Variants in SRP72 observed in about 807,000 individuals in gnomAD.
SRP72 encodes signal recognition particle 72, also known as signal recognition particle subunit SRP72.
A neutral mutation model predicts 96.3 loss-of-function variants in SRP72; 49 were observed. The ratio of observed to expected loss-of-function variants is 0.51; its 90% CI spans 0.40 to 0.65. The LOEUF is 0.65. SRP72 is among the 30% of genes least tolerant of loss of function. SRP72 has a pLI of 0.00. For missense variants in SRP72, 736 were observed against 793.3 expected, an observed-to-expected ratio of 0.93 and a Z score of 0.87; for synonymous variants, 267 against 275.2, an observed-to-expected ratio of 0.97 and a Z score of 0.30.
At chr4:56,476,557 A>T in intron 5 of SRP72, 114 bp from the exon 6 acceptor site, 1 of 1,082,442 alleles carries the variant, frequency 9.2e-7, no homozygotes, top group Non-Finnish European at 1.4e-6. Flanking sequence ...ACTGCTTGTT[A>T]CTACGATTAT....
intron 3 of SRP72, among the ~76,000 whole-genome samples, chr4:56,473,781 A>G (rs1720086449): frequency 6.6e-6 from 1 of 152,182 alleles, no homozygotes; most frequent in South Asian, 2.1e-4. Context: ...AAAAAGAAAA[A>G]GAAAAGAAAG....
In SRP72 at chr4:56,478,363, C is replaced by T. The variant is rs186012899; in HGVS notation, c.643-16C>T. 1.3e-6 allele frequency: 2 copies of T among 1,549,176 alleles called. No homozygotes were observed. Among genetic ancestry groups the T allele is most frequent in the East Asian group, 2.3e-5 (1 of 43,926 alleles). ...GTTTGGAAAATTTATATGGGAAAAA[C>T]ATTTCTTTCTCTTAGGATGGGACTG... On this transcript the variant is annotated splice_polypyrimidine_tract_variant and intron_variant, in intron 6 of 18. Coordinates refer to ENST00000642900, the MANE Select transcript of SRP72 (RefSeq NM_006947.4).
chr4:56,473,923 CAT>C (rs748539553), intron 3 of SRP72, 129 bp from the exon 4 acceptor site: 1 of 826,798 alleles, frequency 1.2e-6, no homozygotes, highest in Non-Finnish European at 1.8e-6. Context: ...AATTATAAAA[CAT>C]AAACAGTTGA....
chr4:56,483,503 A>C lies in SRP72; in HGVS notation c.957+233A>C, dbSNP rs576207313. On this transcript the variant is annotated intron_variant, in intron 9 of 18. Coordinates refer to ENST00000642900, the MANE Select transcript of SRP72 (RefSeq NM_006947.4). ...TGAAGTGGGCGGAATGCCTGAGTTC[A>C]AGAGTTCGAGACCAGCCTGAGCAAC... is the stretch of plus-strand genomic sequence containing the variant. 2.0e-5 allele frequency among the ~76,000 whole-genome samples: 3 copies of C among 152,218 alleles called. No homozygotes were observed. In the East Asian group the frequency reaches 5.8e-4, roughly 29 times the overall value.
intron 6 of SRP72, among the ~76,000 whole-genome samples, chr4:56,477,632 C>T (rs1303803470): frequency 2.0e-5 from 3 of 152,100 alleles, no homozygotes; most frequent in Non-Finnish European, 2.9e-5. Context: ...TTTATCATTT[C>T]CTCATCAAAC....
chr4:56,482,696 G>A (rs746345242), intron 8 of SRP72, among the ~76,000 whole-genome samples: 15 of 152,188 alleles, frequency 9.9e-5, no homozygotes, highest in Admixed American at 4.6e-4. Flanking sequence ...GGCATAGCTT[G>A]TAGAAATTGC....
At chr4:56,470,876 G>C (rs1719947173) in intron 2 of SRP72, among the ~76,000 whole-genome samples, 1 of 145,336 alleles carries the variant, frequency 6.9e-6, no homozygotes, top group Non-Finnish European at 1.5e-5. Context: ...CGCCCAGGCT[G>C]GTGGAACCTC....
Position 56,483,393 on chromosome 4 carries a change from T to G in SRP72, c.957+123T>G, listed in dbSNP as rs140671379. ...GTATTTTGTCTTCAACTCATAAATA[T>G]ATTTTTTTGCCTTCCTCAAAATATT... is the stretch of plus-strand genomic sequence containing the variant. On this transcript the variant is annotated intron_variant, in intron 9 of 18. Coordinates refer to ENST00000642900, the MANE Select transcript of SRP72 (RefSeq NM_006947.4). 1,466 of 985,752 alleles carry G rather than the reference T, an allele frequency of 1.5e-3. 21 individuals carry two copies. The African/African-American group carries it at 0.023, about 15-fold the overall frequency. The allele number at this position is 985,752 out of a possible 1,614,324, so 61.1% of individuals were successfully genotyped here.
intron 3 of SRP72, among the ~76,000 whole-genome samples, chr4:56,472,410 A>G (rs982441832): frequency 7.0e-6 from 1 of 142,028 alleles, no homozygotes; most frequent in African/African-American, 2.7e-5. Flanking sequence ...CAGTGGCACT[A>G]TCTCGGCTCA....
chr4:56,485,000 A>C (rs1375749119), intron 10 of SRP72, 136 bp downstream of exon 10: 1 of 1,085,816 alleles, frequency 9.2e-7, no homozygotes, highest in Non-Finnish European at 1.2e-6. Flanking sequence ...TTTCATTGTC[A>C]TTTTAGTTAA....
At position 56,484,810 on chromosome 4, in the gene SRP72, A is replaced by G. The variant is rs1455448459; in HGVS notation, c.1032A>G (p.Gln344=). The G allele has an allele frequency of 3.7e-6, 6 of 1,614,022 alleles. No individual in the cohort carries two copies. Among genetic ancestry groups the G allele is most frequent in the Non-Finnish European group, 8.5e-7 (1 of 1,180,040 alleles). Residue 344 remains glutamine, a synonymous_variant, in exon 10 of 19, where the codon CAA becomes CAG. Transcript: ENST00000642900. Reference sequence around the variant, plus strand: ...AGCATCTCTTACCTGTGTTAATCCAAGCTGCCCAGCTCTGCCGTGAAAAGC... The same window carrying G: ...AGCATCTCTTACCTGTGTTAATCCAGGCTGCCCAGCTCTGCCGTGAAAAGC... The part of the protein sequence containing the change: ...SPEHLLPVLI[Q]AAQLCREKQH...
rs766552305 is a variant in SRP72 at position 56,469,771 on chromosome 4, CAAGT to C, written c.230+3_230+6del. On this transcript the variant is annotated splice_donor_variant and coding_sequence_variant, in exon 2 of 19. Transcript: ENST00000642900. LOFTEE classifies it high-confidence loss of function. Reference sequence around the variant, plus strand: ...TCAATACTCACACCAAAGTGTTAGCCAAGTAAGTGATTCAGTTAGTTGCTTGTAC... The same window carrying C: ...TCAATACTCACACCAAAGTGTTAGCCAAGTGATTCAGTTAGTTGCTTGTAC... 6.2e-7 allele frequency: 1 copy of C among 1,605,014 alleles called. No homozygotes were observed. Among genetic ancestry groups the C allele is most frequent in the African/African-American group, 1.3e-5 (1 of 74,948 alleles).
chr4:56,488,007 A>G lies in SRP72; in HGVS notation c.1218A>G (p.Pro406=), dbSNP rs1720780155. The change falls in exon 12 of 19, where the codon CCA becomes CCG. Residue 406 remains proline, a synonymous_variant. Transcript: ENST00000642900. ...GCATAGAGGAGTTAAAGCATAAACC[A>G]GGCATGGTGAGTTTTAAAAATTACA... The part of the protein sequence containing the change: ...LRSIEELKHK[P]GMVSALVTMY... The G allele has an allele frequency of 6.3e-7, 1 of 1,594,092 alleles. No individual in the cohort carries two copies. Among genetic ancestry groups the G allele is most frequent in the African/African-American group, 1.4e-5 (1 of 73,724 alleles).
At chr4:56,487,899 TC>T (rs1223314681) in intron 11 of SRP72, 49 bp from the exon 12 acceptor site, 9 of 1,408,672 alleles carry the variant, frequency 6.4e-6, no homozygotes, top group Non-Finnish European at 7.8e-6. Context: ...TATTTTTTTT[TC>T]ATAATATGTG....
chr4:56,494,279 A>G (rs771872117), intron 16 of SRP72, among the ~76,000 whole-genome samples: 1 of 152,044 alleles, frequency 6.6e-6, no homozygotes. Context: ...TGTAGAATGA[A>G]TTTTTGGTAG....
At chr4:56,478,539 T>TG (rs747439861) in intron 7 of SRP72, 36 bp downstream of exon 7, 1 of 1,612,830 alleles carries the variant, frequency 6.2e-7, no homozygotes, top group Admixed American at 1.7e-5. Context: ...TTATAGGGGA[T>TG]GGGGTTCTTT....
Position 56,486,410 on chromosome 4 carries a change from T to G in SRP72, c.1159+13T>G, listed in dbSNP as rs1720712589. ...AAAATTTCTCAAGGTATTATGGTTT[T>G]CATCATGATTAAAATATTTTAATGA... On this transcript the variant is annotated intron_variant, in intron 11 of 18. Coordinates refer to ENST00000642900, the MANE Select transcript of SRP72 (RefSeq NM_006947.4). 5 of 1,566,458 alleles carry G rather than the reference T, an allele frequency of 3.2e-6. No individual in the cohort carries two copies. Among genetic ancestry groups the G allele is most frequent in the African/African-American group, 1.4e-5 (1 of 73,806 alleles).
At chr4:56,494,445 C>G (rs1478757517) in intron 16 of SRP72, among the ~76,000 whole-genome samples, 1 of 147,992 alleles carries the variant, frequency 6.8e-6, no homozygotes. Context: ...TGCTCCATCG[C>G]TCAGGCTGGA....
chr4:56,495,531 A>T (rs1721047976), intron 17 of SRP72, 137 bp downstream of exon 17: 1 of 495,270 alleles, frequency 2.0e-6, no homozygotes. Context: ...TATAGCTAAC[A>T]TTTAATTTTA....
Sources: allele counts gnomAD v4.1 joint callset (sites outside exome capture counted in the v4.1 genomes callset), GRCh38; gene constraint gnomAD v4.1.1; transcripts MANE v1.5; gene names NCBI Gene and HGNC (gene_info 2026-07-23, HGNC 2026-07-21).